ANKRD11: variants seen among roughly 807,000 people sequenced by gnomAD.
ANKRD11 encodes ankyrin repeat domain-containing protein 11.
A neutral mutation model predicts 195.7 loss-of-function variants in ANKRD11; 17 were observed. The ratio of observed to expected loss-of-function variants is 0.09; its 90% CI spans 0.06 to 0.13. The LOEUF is 0.13. Among genes scored for constraint, ANKRD11 ranks in the 10% least tolerant of loss-of-function variants. The pLI, the probability that ANKRD11 is intolerant of heterozygous loss-of-function variation, is 1.00. For missense variants in ANKRD11, 3,735 were observed against 3,566.1 expected, an observed-to-expected ratio of 1.05 and a Z score of -1.21; for synonymous variants, 1,953 against 1,528.1, an observed-to-expected ratio of 1.28 and a Z score of -6.49.
At chr16:89,467,039 A>G (rs1413262985) in intron 1 of ANKRD11, among the ~76,000 whole-genome samples, 1 of 152,254 alleles carries the variant, frequency 6.6e-6, no homozygotes, top group Non-Finnish European at 1.5e-5. Flanking sequence ...CTATCATATA[A>G]GAAATTCCAA....
chr16:89,387,741 G>GCCTGTAATC (rs1567733910), intron 2 of ANKRD11, among the ~76,000 whole-genome samples: 1 of 148,188 alleles, frequency 6.7e-6, no homozygotes, highest in Non-Finnish European at 1.5e-5. Context: ...GGTAGCTTGC[G>GCCTGTAATC]CCTGTAATCC....
At chr16:89,355,318 G>C (rs1467289994) in intron 2 of ANKRD11, among the ~76,000 whole-genome samples, 2 of 152,122 alleles carry the variant, frequency 1.3e-5, no homozygotes, top group African/African-American at 2.4e-5. Context: ...GGCTCACACA[G>C]ACCCACAAGG....
At chr16:89,314,596 C>A (rs2036833835) in intron 3 of ANKRD11, among the ~76,000 whole-genome samples, 1 of 152,168 alleles carries the variant, frequency 6.6e-6, no homozygotes, top group East Asian at 1.9e-4. Flanking sequence ...TCCACTGACA[C>A]AGGGCTCCAC....
At chr16:89,324,243 C>T in intron 2 of ANKRD11, 1 of 1,209,338 alleles carries the variant, frequency 8.3e-7, no homozygotes, top group Non-Finnish European at 1.1e-6. Flanking sequence ...CAGACACATG[C>T]TTGGTCACTG....
At chr16:89,432,126 G>A (rs1473886602) in intron 1 of ANKRD11, among the ~76,000 whole-genome samples, 1 of 151,932 alleles carries the variant, frequency 6.6e-6, no homozygotes, top group African/African-American at 2.4e-5. Flanking sequence ...ATTCCCCACA[G>A]TGCTAAGGGG....
At chr16:89,379,341 G>A (rs759270630) in intron 2 of ANKRD11, among the ~76,000 whole-genome samples, 8 of 152,210 alleles carry the variant, frequency 5.3e-5, no homozygotes, top group African/African-American at 1.2e-4. Flanking sequence ...AATTTTAAAT[G>A]GCTCAAATCA....
At chr16:89,365,200 T>G (rs1374176997) in intron 2 of ANKRD11, among the ~76,000 whole-genome samples, 7 of 152,226 alleles carry the variant, frequency 4.6e-5, no homozygotes, top group African/African-American at 9.7e-5. Context: ...ACTATCTTGT[T>G]GGCTGGTCAG....
chr16:89,326,268 C>T (rs906135122), intron 2 of ANKRD11, among the ~76,000 whole-genome samples: 1 of 152,108 alleles, frequency 6.6e-6, no homozygotes, highest in African/African-American at 2.4e-5. Flanking sequence ...ACGGAAGTGA[C>T]CAGCAGAGAG....
At position 89,334,162 on chromosome 16, in the gene ANKRD11, A is replaced by AC. The variant is rs1237175967; in HGVS notation, c.-59-17085_-59-17084insG. Among the ~76,000 whole-genome samples, 108 of 142,920 alleles carry AC rather than the reference A, an allele frequency of 7.6e-4. 5 individuals are homozygous for AC. The highest frequency in any genetic ancestry group is 3.8e-3 in the Middle Eastern group (1 of 260). 93.8% of individuals were successfully genotyped at this position (142,920 alleles called of 152,430 possible). A position where few individuals can be genotyped will look rare whatever the true frequency, so the allele number is the denominator to read the frequency against. ...TGTGTTTTAAAAAAAAAAAAAAAAA[A>AC]AAAAAAAAAAACAGAGAGAGAGAGA... On this transcript the variant is annotated intron_variant, in intron 2 of 12. Coordinates refer to ENST00000301030, the MANE Select transcript of ANKRD11 (RefSeq NM_013275.6).
intron 1 of ANKRD11, among the ~76,000 whole-genome samples, chr16:89,423,811 C>A (rs1189769677): frequency 1.3e-5 from 2 of 152,184 alleles, no homozygotes; most frequent in African/African-American, 2.4e-5. Context: ...TGGCAGCCAG[C>A]CTGCGGATGT....
chr16:89,280,161 G>A lies in ANKRD11; in HGVS notation c.6381C>T (p.Pro2127=), dbSNP rs1471416250. The A allele has an allele frequency of 1.2e-6, 2 of 1,610,260 alleles. No individual in the cohort carries two copies. Among genetic ancestry groups the A allele is most frequent in the Non-Finnish European group, 1.7e-6 (2 of 1,178,980 alleles). The change falls in exon 9 of 13, where the codon CCC becomes CCT. Residue 2127 remains proline, a synonymous_variant. Coordinates refer to ENST00000301030, the MANE Select transcript of ANKRD11 (RefSeq NM_013275.6). ...AGGGCCCCAGGTCCAGGTCGTCCTC[G>A]GGGCCGGCGAAGGCGTCCGCCCAGG... The part of the protein sequence containing the change: ...PVPWADAFAG[P]EDDLDLGPFS...
chr16:89,380,011 G>A (rs753852), intron 2 of ANKRD11, among the ~76,000 whole-genome samples: 82,467 of 151,946 alleles, frequency 0.54, 22,633 homozygotes, highest in Middle Eastern at 0.74. Context: ...TCAAGCTTCA[G>A]TCCAGGTCCA....
At chr16:89,489,026 T>TG (rs2057713987) in intron 1 of ANKRD11, 4 of 152,126 alleles carry the variant, frequency 2.6e-5, no homozygotes. Context: ...GAAGCTGATA[T>TG]ATAACACTAA....
At chr16:89,326,603 G>A (rs1387173873) in intron 2 of ANKRD11, among the ~76,000 whole-genome samples, 2 of 152,130 alleles carry the variant, frequency 1.3e-5, no homozygotes, top group South Asian at 2.1e-4. Flanking sequence ...TTAATCAGTC[G>A]AGGTGGCACG....
At chr16:89,457,681 G>C (rs1200040062) in intron 1 of ANKRD11, among the ~76,000 whole-genome samples, 1 of 152,036 alleles carries the variant, frequency 6.6e-6, no homozygotes, top group African/African-American at 2.4e-5. Flanking sequence ...GGCAGTGCTT[G>C]GGGCAGTGGA....
At chr16:89,450,703 T>G (rs972556590) in intron 1 of ANKRD11, among the ~76,000 whole-genome samples, 94 of 152,308 alleles carry the variant, frequency 6.2e-4, no homozygotes, top group African/African-American at 2.1e-3. Context: ...CACTATGGTG[T>G]CCAGGCTGGT....
At chr16:89,411,812 A>G (rs2042120350) in intron 2 of ANKRD11, among the ~76,000 whole-genome samples, 1 of 152,218 alleles carries the variant, frequency 6.6e-6, no homozygotes, top group Admixed American at 6.5e-5. Flanking sequence ...TGGGGAAAAA[A>G]AGAGACTAGA....
rs574115952 is a variant in ANKRD11, at chr16:89,331,351, A to G, written c.-59-14273T>C. Among the ~76,000 whole-genome samples, 11 of 152,362 alleles carry G rather than the reference A, an allele frequency of 7.2e-5. No individual in the cohort carries two copies. In the East Asian group the frequency reaches 7.7e-4, roughly 11 times the overall value. On this transcript the variant is annotated intron_variant, in intron 2 of 12. Coordinates refer to ENST00000301030, the MANE Select transcript of ANKRD11 (RefSeq NM_013275.6). The stretch of plus-strand genomic sequence containing the variant: ...AAATTAGATGCACAGTTCACATCAT[A>G]TATCTCATGGACAGAACAACTCTAT...
At chr16:89,482,602 G>A (rs1338672782) in intron 1 of ANKRD11, among the ~76,000 whole-genome samples, 2 of 152,188 alleles carry the variant, frequency 1.3e-5, no homozygotes, top group African/African-American at 2.4e-5. Flanking sequence ...GTGCTCGGGT[G>A]GGCCCAATTT....
Sources: allele counts gnomAD v4.1 joint callset (sites outside exome capture counted in the v4.1 genomes callset), GRCh38; gene constraint gnomAD v4.1.1; transcripts MANE v1.5; gene names NCBI Gene and HGNC (gene_info 2026-07-23, HGNC 2026-07-21).